RNF144A: variants seen among roughly 807,000 people sequenced by gnomAD.
RNF144A encodes the protein E3 ubiquitin-protein ligase RNF144A.
A neutral mutation model predicts 38.7 loss-of-function variants in RNF144A; 11 were observed. That is an observed-to-expected ratio of 0.28 (90% CI 0.18 to 0.47). The LOEUF is 0.47. Among genes scored for constraint, RNF144A ranks in the 20% least tolerant of loss-of-function variants. The pLI, the probability that RNF144A is intolerant of heterozygous loss-of-function variation, is 0.99. For missense variants in RNF144A, 316 were observed against 377.2 expected, an observed-to-expected ratio of 0.84 and a Z score of 1.34; for synonymous variants, 149 against 143.9, an observed-to-expected ratio of 1.04 and a Z score of -0.25.
Position 6,939,796 on chromosome 2 carries a change from G to A in RNF144A, c.-211-1152G>A, listed in dbSNP as rs1049845367. The stretch of plus-strand genomic sequence containing the variant: ...ATTCAGTTTTTCAGCACTATTCGTT[G>A]AAAAAAAAAACACTATCATTTACCC... On this transcript the variant is annotated intron_variant, in intron 1 of 8. Transcript: ENST00000320892. Among the ~76,000 whole-genome samples, 67 of 145,334 alleles carry A rather than the reference G, an allele frequency of 4.6e-4. 1 individual carries two copies. The highest frequency in any genetic ancestry group is 3.5e-3 in the Middle Eastern group (1 of 284).
chr2:7,070,582 A>C (rs965781149), downstream of RNF144A, among the ~76,000 whole-genome samples: 9 of 152,298 alleles, frequency 5.9e-5, no homozygotes, highest in Non-Finnish European at 1.5e-5. Flanking sequence ...GTTTGCAGAT[A>C]TAATCAAGTT....
At chr2:6,960,637 G>A (rs144990199) in intron 2 of RNF144A, among the ~76,000 whole-genome samples, 16 of 152,308 alleles carry the variant, frequency 1.1e-4, no homozygotes, top group African/African-American at 3.8e-4. Context: ...TGCTCTCTGC[G>A]TAGATCAGGC....
intron 3 of RNF144A, among the ~76,000 whole-genome samples, chr2:7,003,496 G>A (rs1352318639): frequency 6.6e-6 from 1 of 152,204 alleles, no homozygotes; most frequent in Non-Finnish European, 1.5e-5. Context: ...GAAAATACTT[G>A]TAATTGCCTA....
At chr2:6,993,534 A>T (rs1281684148) in intron 2 of RNF144A, among the ~76,000 whole-genome samples, 1 of 152,146 alleles carries the variant, frequency 6.6e-6, no homozygotes. Flanking sequence ...TCCAGCACAG[A>T]GGCTATAACT....
chr2:6,983,888 C>T (rs1002533917), intron 2 of RNF144A, among the ~76,000 whole-genome samples: 13 of 152,206 alleles, frequency 8.5e-5, no homozygotes, highest in Non-Finnish European at 1.6e-4. Context: ...CCCTTGACTC[C>T]TCTCTTTCTC....
intron 1 of RNF144A, among the ~76,000 whole-genome samples, chr2:6,930,778 G>A (rs2103279477): frequency 6.6e-6 from 1 of 152,042 alleles, no homozygotes; most frequent in Non-Finnish European, 1.5e-5. Context: ...TTTTTTTGTA[G>A]AGGGGGGGAT....
chr2:7,029,610 G>A (rs1161088255), intron 7 of RNF144A, among the ~76,000 whole-genome samples: 5 of 152,200 alleles, frequency 3.3e-5, no homozygotes, highest in East Asian at 1.9e-4. Flanking sequence ...TGAGAAGCCC[G>A]ACCTGATGGA....
chr2:7,047,606 T>C (rs1020958930), downstream of RNF144A, among the ~76,000 whole-genome samples: 1 of 152,146 alleles, frequency 6.6e-6, no homozygotes, highest in Non-Finnish European at 1.5e-5. Context: ...AATTCTGAGA[T>C]ATACAATTCA....
At chr2:7,001,730 C>T (rs990956047) in intron 3 of RNF144A, among the ~76,000 whole-genome samples, 1 of 152,080 alleles carries the variant, frequency 6.6e-6, no homozygotes, top group Non-Finnish European at 1.5e-5. Flanking sequence ...CTTTCCCGTG[C>T]AATGCATAAC....
chr2:6,945,675 A>C (rs778860436), intron 2 of RNF144A, among the ~76,000 whole-genome samples: 19 of 151,514 alleles, frequency 1.3e-4, no homozygotes, highest in Non-Finnish European at 1.8e-4. Context: ...GAGGAGACAC[A>C]GGCTGACTTC....
chr2:7,029,508 T>G (rs1311639649), intron 7 of RNF144A, among the ~76,000 whole-genome samples: 1 of 152,298 alleles, frequency 6.6e-6, no homozygotes, highest in Admixed American at 6.5e-5. Context: ...CAGGATGGTC[T>G]GAGAAGATGC....
intron 8 of RNF144A, among the ~76,000 whole-genome samples, chr2:7,032,673 A>C (rs1672401975): frequency 6.6e-6 from 1 of 152,140 alleles, no homozygotes; most frequent in Admixed American, 6.5e-5. Context: ...TCATTGTCCA[A>C]ATCCCCCCTT....
At chr2:6,991,480 T>A (rs1437628197) in intron 2 of RNF144A, among the ~76,000 whole-genome samples, 1 of 152,138 alleles carries the variant, frequency 6.6e-6, no homozygotes, top group East Asian at 1.9e-4. Flanking sequence ...TTGTCTTATA[T>A]CTCTACAAAT....
intron 2 of RNF144A, among the ~76,000 whole-genome samples, chr2:6,976,399 G>T (rs1009718234): frequency 6.6e-6 from 1 of 151,786 alleles, no homozygotes; most frequent in Non-Finnish European, 1.5e-5. Context: ...ATTTTATCTC[G>T]TTCCTTGATC....
chr2:6,945,014 GT>G (rs1449448062), intron 2 of RNF144A, among the ~76,000 whole-genome samples: 1 of 152,124 alleles, frequency 6.6e-6, no homozygotes, highest in Non-Finnish European at 1.5e-5. Flanking sequence ...GTTTTGTTTT[GT>G]TTTTCCCAAG....
At chr2:6,937,934 T>A (rs1481991440) in intron 1 of RNF144A, among the ~76,000 whole-genome samples, 1 of 152,200 alleles carries the variant, frequency 6.6e-6, no homozygotes, top group Non-Finnish European at 1.5e-5. Flanking sequence ...TATGGGCCTG[T>A]CCACCAGGCT....
chr2:6,960,825 A>T (rs899500302), intron 2 of RNF144A, among the ~76,000 whole-genome samples: 3 of 152,116 alleles, frequency 2.0e-5, no homozygotes, highest in Non-Finnish European at 4.4e-5. Context: ...TGCTGGATTC[A>T]CACTCATAAG....
At chr2:7,002,671 G>GA (rs1389593726) in intron 3 of RNF144A, among the ~76,000 whole-genome samples, 1 of 152,162 alleles carries the variant, frequency 6.6e-6, no homozygotes, top group Non-Finnish European at 1.5e-5. Context: ...ATATAATGGT[G>GA]ATCCCATAAG....
In RNF144A at chr2:7,049,480, A is replaced by G. The variant is rs966989265; in HGVS notation, c.735-18736A>G. 3.3e-5 allele frequency among the ~76,000 whole-genome samples: 5 copies of G among 152,358 alleles called. No individual in the cohort carries two copies. In the South Asian group the frequency reaches 1.0e-3, roughly 32 times the overall value. The stretch of plus-strand genomic sequence containing the variant: ...ATTTTGTTTGCTGATTTCACCTGGC[A>G]TACAAAATCCTGAAAAACGAGTCTC... On this transcript the variant is annotated intron_variant, in intron 6 of 6. Transcript: ENST00000432850.
Sources: allele counts gnomAD v4.1 joint callset (sites outside exome capture counted in the v4.1 genomes callset), GRCh38; gene constraint gnomAD v4.1.1; transcripts MANE v1.5; gene names NCBI Gene and HGNC (gene_info 2026-07-23, HGNC 2026-07-21).